PDK3: variants seen among roughly 807,000 people sequenced by gnomAD.
PDK3 encodes pyruvate dehydrogenase kinase 3, also known as pyruvate dehydrogenase kinase, isozyme 3.
In PDK3, 12 loss-of-function variants were observed where a neutral mutation model predicts 32.0. That is an observed-to-expected ratio of 0.37 (90% CI 0.24 to 0.61). The LOEUF is 0.61. Ranked by LOEUF, PDK3 falls within the 20% of genes least tolerant of loss-of-function variation. PDK3 has a pLI of 0.65. For missense variants in PDK3, 188 were observed against 316.9 expected, an observed-to-expected ratio of 0.59 and a Z score of 3.09; for synonymous variants, 122 against 116.3, an observed-to-expected ratio of 1.05 and a Z score of -0.31.
At chrX:24,466,574 T>G (rs947225189) in intron 1 of PDK3, among the ~76,000 whole-genome samples, 13 of 111,154 alleles carry the variant, frequency 1.2e-4, no homozygotes, top group African/African-American at 3.9e-4. Flanking sequence ...AAAACTAAAG[T>G]GCAGAGTAGG....
At chrX:24,530,200 C>A (rs1366178278) in intron 9 of PDK3, among the ~76,000 whole-genome samples, 1 of 111,591 alleles carries the variant, frequency 9.0e-6, no homozygotes, top group African/African-American at 3.3e-5. Context: ...ATCTCATCTT[C>A]ACTACTGGCC....
chrX:24,486,777 C>T (rs945702729), intron 1 of PDK3, among the ~76,000 whole-genome samples: 14 of 111,272 alleles, frequency 1.3e-4, no homozygotes, highest in Middle Eastern at 4.3e-3. Flanking sequence ...ACTATAGTCA[C>T]GCACCACCAT....
At chrX:24,489,183 T>C (rs1186038099) in intron 1 of PDK3, among the ~76,000 whole-genome samples, 2 of 112,072 alleles carry the variant, frequency 1.8e-5, no homozygotes, top group African/African-American at 6.5e-5. Flanking sequence ...AAAGATACTT[T>C]CAATGTACGT....
rs940172280 is a variant in PDK3 at position 24,465,377 on chromosome X, C to T, written c.-79C>T. The T allele has an allele frequency of 1.2e-5, 9 of 730,422 alleles. No individual in the cohort carries two copies. Among genetic ancestry groups the T allele is most frequent in the Non-Finnish European group, 1.8e-5 (9 of 497,093 alleles). The allele number at this position is 730,422 out of a possible 1,213,427, so 60.2% of individuals were successfully genotyped here. On this transcript the variant is annotated 5_prime_UTR_variant, in exon 1 of 11. Coordinates refer to ENST00000379162, the MANE Select transcript of PDK3 (RefSeq NM_005391.5). ...CGGGGTGCGCGCTTCGCAAACGTGC[C>T]CTATCCGTGCGGCTTGGCTGCGCCA...
rs1240327353 is a variant in PDK3 at position 24,533,867 on chromosome X, C to G, written c.1078-62C>G. The G allele has an allele frequency of 2.7e-6, 3 of 1,098,140 alleles. No individual in the cohort carries two copies. The Admixed American group carries it at 8.8e-5, about 32-fold the overall frequency. The allele number at this position is 1,098,140 out of a possible 1,213,427, so 90.5% of individuals were successfully genotyped here. ...GTTTTAAATAATAAAATTTGGGTTA[C>G]TATTTCACTTGAGAAAAATGACACT... On this transcript the variant is annotated intron_variant, in intron 10 of 10. Transcript: ENST00000379162.
chrX:24,514,038 C>A (rs1228089480), intron 5 of PDK3, among the ~76,000 whole-genome samples: 3 of 111,570 alleles, frequency 2.7e-5, no homozygotes, highest in Non-Finnish European at 5.6e-5. Flanking sequence ...CCTAGTCCAG[C>A]CTCTCATATT....
At chrX:24,479,903 C>T (rs1289019291) in intron 1 of PDK3, among the ~76,000 whole-genome samples, 1 of 112,170 alleles carries the variant, frequency 8.9e-6, no homozygotes, top group Non-Finnish European at 1.9e-5. Context: ...ATTCTCACAA[C>T]AGCCATGCCC....
At chrX:24,495,735 C>G (rs1921684348) in intron 2 of PDK3, among the ~76,000 whole-genome samples, 1 of 112,066 alleles carries the variant, frequency 8.9e-6, no homozygotes, top group East Asian at 2.8e-4. Context: ...AGCTCAATCT[C>G]CAGCCCTCTC....
chrX:24,475,281 A>G (rs1921086367), intron 1 of PDK3, among the ~76,000 whole-genome samples: 1 of 110,324 alleles, frequency 9.1e-6, no homozygotes, highest in South Asian at 3.9e-4. Context: ...AACTATTCAG[A>G]ATTAAAGGGG....
Position 24,486,109 on chromosome X carries a change from G to A in PDK3, c.107-8633G>A, listed in dbSNP as rs926981368. Among the ~76,000 whole-genome samples the A allele has an allele frequency of 2.9e-4, 32 of 111,862 alleles. 1 individual carries two copies. Among genetic ancestry groups the A allele is most frequent in the African/African-American group, 5.8e-4 (18 of 30,776 alleles). On this transcript the variant is annotated intron_variant, in intron 1 of 10. Transcript: ENST00000379162. ...CACCCCTCTGTCAGGAGCAGGAGTC[G>A]AAATTTCCTTCTGGAGTCTGGGCAG...
At chrX:24,474,994 C>G (rs1478626940) in intron 1 of PDK3, among the ~76,000 whole-genome samples, 1 of 111,518 alleles carries the variant, frequency 9.0e-6, no homozygotes, top group Non-Finnish European at 1.9e-5. Flanking sequence ...CAAATGACTC[C>G]CTTTCGCAAA....
intron 1 of PDK3, among the ~76,000 whole-genome samples, chrX:24,482,654 G>A (rs1921293017): frequency 8.9e-6 from 1 of 112,284 alleles, no homozygotes; most frequent in Non-Finnish European, 1.9e-5. Context: ...TGCTTATCTA[G>A]TTTTATTATT....
chrX:24,540,996 G>A (rs901024696), exon 12 of PDK3, among the ~76,000 whole-genome samples: 3 of 85,887 alleles, frequency 3.5e-5, no homozygotes, highest in Non-Finnish European at 6.4e-5. Flanking sequence ...TGCAACCTCC[G>A]CCTCCCAGGT....
intron 1 of PDK3, among the ~76,000 whole-genome samples, chrX:24,466,813 G>T (rs1673387998): frequency 8.9e-6 from 1 of 111,905 alleles, no homozygotes; most frequent in Non-Finnish European, 1.9e-5. Context: ...ACTATCTCGA[G>T]AATTGTAGAG....
At chrX:24,516,755 G>C (rs778678942) in intron 5 of PDK3, among the ~76,000 whole-genome samples, 2 of 110,506 alleles carry the variant, frequency 1.8e-5, no homozygotes, top group South Asian at 3.9e-4. Flanking sequence ...AGTGATTAAT[G>C]CACAGCTCTG....
At chrX:24,503,551 C>G (rs1177438411) in intron 4 of PDK3, 40 bp downstream of exon 4, 18 of 939,510 alleles carry the variant, frequency 1.9e-5, no homozygotes, top group Non-Finnish European at 2.6e-5. Context: ...AAAAGGTAAC[C>G]ATAGTGATTT....
Position 24,465,392 on chromosome X carries a change from T to G in PDK3, c.-64T>G, listed in dbSNP as rs1940052290. On this transcript the variant is annotated 5_prime_UTR_variant, in exon 1 of 11. Transcript: ENST00000379162. ...GCAAACGTGCCCTATCCGTGCGGCTTGGCTGCGCCAGCCCTTGCGGCCACC... is the reference window on the plus strand; with the variant it reads ...GCAAACGTGCCCTATCCGTGCGGCTGGGCTGCGCCAGCCCTTGCGGCCACC... The G allele has an allele frequency of 1.2e-6, 1 of 868,042 alleles. No homozygotes were observed. The highest frequency in any genetic ancestry group is 1.6e-6 in the Non-Finnish European group (1 of 611,098). 71.5% of individuals were successfully genotyped at this position (868,042 alleles called of 1,213,427 possible). A position where few individuals can be genotyped will look rare whatever the true frequency, so the allele number is the denominator to read the frequency against.
At chrX:24,470,687 C>CAAAAAAAAAAAAA (rs58511156) in intron 1 of PDK3, among the ~76,000 whole-genome samples, 1 of 26,270 alleles carries the variant, frequency 3.8e-5, no homozygotes, top group Non-Finnish European at 7.7e-5. Flanking sequence ...AACGGCATCT[C>CAAAAAAAAAAAAA]AAAAAAAAAA....
chrX:24,529,426 T>C (rs1452701383), intron 9 of PDK3, among the ~76,000 whole-genome samples: 1 of 111,682 alleles, frequency 9.0e-6, no homozygotes, highest in East Asian at 2.8e-4. Flanking sequence ...TGGCCATGTC[T>C]GTGTTCTTTC....
Sources: gnomAD v4.1 joint callset for allele counts (sites outside exome capture counted in the v4.1 genomes callset) on GRCh38, gnomAD v4.1.1 for gene constraint, MANE v1.5 for transcripts, NCBI Gene and HGNC (gene_info 2026-07-23, HGNC 2026-07-21) for gene names.